Variants in BRWD3 observed in about 807,000 individuals in gnomAD.
BRWD3 encodes the protein bromodomain and WD repeat domain containing 3.
A neutral mutation model predicts 149.7 loss-of-function variants in BRWD3; 10 were observed. That is an observed-to-expected ratio of 0.07 (90% CI 0.04 to 0.11). BRWD3 has a LOEUF of 0.11. Among genes scored for constraint, BRWD3 ranks in the 10% least tolerant of loss-of-function variants. BRWD3 has a pLI of 1.00. For synonymous variants in BRWD3, 504 were observed against 456.7 expected (o/e 1.10, Z -1.32); for missense variants, 940 against 1,373.2 (o/e 0.68, Z 4.99).
At chrX:80,793,081 G>C (rs1261195878) in intron 5 of BRWD3, among the ~76,000 whole-genome samples, 5 of 94,404 alleles carry the variant, frequency 5.3e-5, no homozygotes, top group African/African-American at 1.9e-4. Context: ...AGAATTGCTT[G>C]AACCTGGGAG....
intron 24 of BRWD3, among the ~76,000 whole-genome samples, 193 bp downstream of exon 24, chrX:80,703,287 G>A (rs978828815): frequency 9.0e-6 from 1 of 110,946 alleles, no homozygotes; most frequent in African/African-American, 3.3e-5. Flanking sequence ...TGAAGCTACT[G>A]TGCCAGGACC....
rs757154085 is a variant in BRWD3 at position 80,744,015 on chromosome X, T to G, written c.813+17A>C. 2 of 1,178,276 alleles carry G rather than the reference T, an allele frequency of 1.7e-6. No homozygotes were observed. The highest frequency in any genetic ancestry group is 4.4e-5 in the Admixed American group (2 of 45,721). ...TTTTTTACATATGTTCAAGCTAAAT[T>G]TTATCACTTTTCTTACCTGTATGGA... On this transcript the variant is annotated intron_variant, in intron 8 of 40. Coordinates refer to ENST00000373275, the MANE Select transcript of BRWD3 (RefSeq NM_153252.5).
Position 80,670,178 on chromosome X carries a change from G to A in BRWD3, c.*6431C>T, listed in dbSNP as rs1490336585. 9.0e-6 allele frequency among the ~76,000 whole-genome samples: 1 copy of A among 110,746 alleles called. No homozygotes were observed. Among genetic ancestry groups the A allele is most frequent in the Non-Finnish European group, 1.9e-5 (1 of 52,929 alleles). ...GGGGGAAAAATCGATACCGTAAAAAGTTTACTTCATTTAATATTATTGTTT... is the reference window on the plus strand; with the variant it reads ...GGGGGAAAAATCGATACCGTAAAAAATTTACTTCATTTAATATTATTGTTT... On this transcript the variant is annotated 3_prime_UTR_variant, in exon 41 of 41. Coordinates refer to ENST00000373275, the MANE Select transcript of BRWD3 (RefSeq NM_153252.5).
chrX:80,678,155 G>A (rs1184579542), intron 40 of BRWD3, among the ~76,000 whole-genome samples: 2 of 112,136 alleles, frequency 1.8e-5, no homozygotes, highest in African/African-American at 6.5e-5. Flanking sequence ...GACCAGTTGG[G>A]CATCCACTGC....
chrX:80,677,339 G>T lies in BRWD3; in HGVS notation c.4679C>A (p.Thr1560Lys). The change falls in exon 41 of 41, where the codon ACA becomes AAA. Residue 1560 changes from threonine to lysine, a missense_variant. Transcript: ENST00000373275. ...KQDHSLDGPL[T>K]NGDGREPRTG... Reference sequence around the variant, plus strand: ...CCGGGGCTCTCTGCCATCACCATTTGTAAGGGGTCCATCAAGGGAGTGATC... The same window carrying T: ...CCGGGGCTCTCTGCCATCACCATTTTTAAGGGGTCCATCAAGGGAGTGATC... 1 of 1,204,252 alleles carries T rather than the reference G, an allele frequency of 8.3e-7. No homozygotes were observed. Among genetic ancestry groups the T allele is most frequent in the Non-Finnish European group, 1.1e-6 (1 of 891,542 alleles).
intron 8 of BRWD3, among the ~76,000 whole-genome samples, chrX:80,739,940 A>G (rs1279892741): frequency 8.9e-6 from 1 of 112,286 alleles, no homozygotes; most frequent in Non-Finnish European, 1.9e-5. Flanking sequence ...ACCGCAGATA[A>G]GGGGGACTAC....
chrX:80,723,215 G>T (rs1439157712), intron 16 of BRWD3, among the ~76,000 whole-genome samples: 1 of 111,120 alleles, frequency 9.0e-6, no homozygotes, highest in Non-Finnish European at 1.9e-5. Flanking sequence ...ACTCAAACCT[G>T]ATATTAATGC....
intron 4 of BRWD3, among the ~76,000 whole-genome samples, chrX:80,795,491 G>A (rs2074228957): frequency 9.2e-6 from 1 of 109,010 alleles, no homozygotes; most frequent in Non-Finnish European, 1.9e-5. Flanking sequence ...ATACATGTAT[G>A]TGTATATATG....
intron 21 of BRWD3, among the ~76,000 whole-genome samples, chrX:80,708,222 C>A: frequency 9.2e-6 from 1 of 109,246 alleles, no homozygotes; most frequent in Non-Finnish European, 1.9e-5. Context: ...ATGGTGAAAC[C>A]CTGTCTCTAC....
chrX:80,737,130 A>T (rs2073415075), intron 8 of BRWD3, among the ~76,000 whole-genome samples: 1 of 111,555 alleles, frequency 9.0e-6, no homozygotes, highest in Non-Finnish European at 1.9e-5. Flanking sequence ...TTAACAACTG[A>T]TGTGCAGTAA....
chrX:80,692,414 C>T (rs774407098), intron 28 of BRWD3, among the ~76,000 whole-genome samples: 7 of 111,730 alleles, frequency 6.3e-5, no homozygotes, highest in South Asian at 3.7e-4. Context: ...ATAAACATTT[C>T]GTCTATCATT....
chrX:80,711,259 C>G (rs1832973953), intron 20 of BRWD3, among the ~76,000 whole-genome samples: 1 of 111,481 alleles, frequency 9.0e-6, no homozygotes, highest in Non-Finnish European at 1.9e-5. Flanking sequence ...TTTTATTTCT[C>G]TTGCCCAAAT....
At chrX:80,737,646 C>A (rs1602374954) in intron 8 of BRWD3, among the ~76,000 whole-genome samples, 1 of 111,771 alleles carries the variant, frequency 8.9e-6, no homozygotes, top group Non-Finnish European at 1.9e-5. Context: ...ACGAGACTGG[C>A]CGATATGGCA....
At chrX:80,753,170 C>T (rs1487631821) in intron 6 of BRWD3, among the ~76,000 whole-genome samples, 1 of 111,436 alleles carries the variant, frequency 9.0e-6, no homozygotes, top group East Asian at 2.8e-4. Context: ...ATTGTCTCTT[C>T]ACTCTGCTGG....
chrX:80,733,600 T>G, intron 11 of BRWD3, 104 bp from the exon 12 acceptor site: 1 of 634,287 alleles, frequency 1.6e-6, no homozygotes, highest in Non-Finnish European at 2.5e-6. Flanking sequence ...AAGTAGTTTT[T>G]TTTTTTTTTA....
chrX:80,712,297 C>G (rs1043292317), intron 20 of BRWD3, among the ~76,000 whole-genome samples: 2 of 109,872 alleles, frequency 1.8e-5, no homozygotes, highest in African/African-American at 6.6e-5. Flanking sequence ...TGCAGGCACG[C>G]GCCGCCACAC....
intron 20 of BRWD3, chrX:80,710,637 C>T: frequency 1.6e-6 from 1 of 606,185 alleles, no homozygotes; most frequent in South Asian, 2.2e-5. Flanking sequence ...AGAAAGGCCA[C>T]AGAGAAAGGC....
intron 39 of BRWD3, 74 bp from the exon 40 acceptor site, chrX:80,681,573 A>C (rs1436526238): frequency 1.2e-6 from 1 of 818,838 alleles, no homozygotes; most frequent in African/African-American, 2.0e-5. Context: ...TACTTTTTGA[A>C]ACCATATCTC....
intron 22 of BRWD3, among the ~76,000 whole-genome samples, chrX:80,706,513 GCCTA>G (rs1056695851): frequency 1.5e-4 from 17 of 111,081 alleles, no homozygotes; most frequent in Non-Finnish European, 2.8e-4. Context: ...ACAAACATTA[GCCTA>G]AGCCTACAGA....
Sources: gnomAD v4.1 joint callset for allele counts (sites outside exome capture counted in the v4.1 genomes callset) on GRCh38, gnomAD v4.1.1 for gene constraint, MANE v1.5 for transcripts, NCBI Gene and HGNC (gene_info 2026-07-23, HGNC 2026-07-21) for gene names.